PXDNL: variants seen among roughly 807,000 people sequenced by gnomAD.
The protein encoded by PXDNL is probable oxidoreductase PXDNL.
Under a neutral mutation model 150.8 loss-of-function variants are expected in PXDNL, and 145 were observed. That is an observed-to-expected ratio of 0.96 (90% confidence interval 0.84 to 1.10). PXDNL has a LOEUF of 1.10. Ranked by LOEUF, PXDNL falls within the 50% of genes least tolerant of loss-of-function variation. The pLI is 0.00. For synonymous variants in PXDNL, 757 were observed against 725.7 expected, an observed-to-expected ratio of 1.04 and a Z score of -0.69; for missense variants, 2,087 against 1,873.9, an observed-to-expected ratio of 1.11 and a Z score of -2.10.
At chr8:51,485,137 CTTTAT>C (rs944959928) in intron 5 of PXDNL, among the ~76,000 whole-genome samples, 4 of 152,056 alleles carry the variant, frequency 2.6e-5, no homozygotes, top group Non-Finnish European at 4.4e-5. Flanking sequence ...ATGTTTTTGG[CTTTAT>C]TTTAACTGTA....
At chr8:51,478,912 G>A (rs1810540311) in intron 6 of PXDNL, among the ~76,000 whole-genome samples, 1 of 152,184 alleles carries the variant, frequency 6.6e-6, no homozygotes, top group Non-Finnish European at 1.5e-5. Context: ...CAAATCATCT[G>A]TATATCAGTT....
intron 1 of PXDNL, among the ~76,000 whole-genome samples, chr8:51,780,654 C>CTTTTTTTTTTTT (rs71237240): frequency 2.7e-5 from 2 of 75,184 alleles, no homozygotes; most frequent in African/African-American, 4.4e-5. Context: ...CTTTTCTTTT[C>CTTTTTTTTTTTT]TTTTTTTTTT....
At chr8:51,436,326 A>G in intron 12 of PXDNL, 1 of 463,834 alleles carries the variant, frequency 2.2e-6, no homozygotes, top group Non-Finnish European at 4.4e-6. Flanking sequence ...TAAATCTCAT[A>G]AACATTATTC....
At chr8:51,494,807 T>G (rs1811005312) in intron 5 of PXDNL, among the ~76,000 whole-genome samples, 1 of 151,730 alleles carries the variant, frequency 6.6e-6, no homozygotes, top group South Asian at 2.1e-4. Context: ...ACAAAGAGAC[T>G]TAGAATCCCA....
intron 17 of PXDNL, among the ~76,000 whole-genome samples, chr8:51,403,015 G>A (rs149823317): frequency 0.024 from 3,675 of 151,008 alleles, 85 homozygotes; most frequent in South Asian, 0.083. Flanking sequence ...GCGTGAACCC[G>A]GGAGGTGGAG....
intron 4 of PXDNL, among the ~76,000 whole-genome samples, chr8:51,553,771 T>TATATATATATATATATACAC (rs1236843720): frequency 1.5e-3 from 94 of 63,666 alleles, no homozygotes; most frequent in African/African-American, 7.8e-3. Context: ...TATATATATA[T>TATATATATATATATATACAC]ACACACACTG....
chr8:51,640,231 A>G (rs1309129036), intron 2 of PXDNL, among the ~76,000 whole-genome samples: 1 of 152,154 alleles, frequency 6.6e-6, no homozygotes, highest in African/African-American at 2.4e-5. Flanking sequence ...TCTATGACAA[A>G]CCCACAGCCA....
At chr8:51,437,507 A>G (rs1809436026) in intron 12 of PXDNL, among the ~76,000 whole-genome samples, 2 of 152,262 alleles carry the variant, frequency 1.3e-5, no homozygotes, top group Non-Finnish European at 1.5e-5. Flanking sequence ...AGTGGGTTTT[A>G]TACCAGGGAT....
At chr8:51,358,655 T>TCACAGGAC (rs1404658693) in intron 19 of PXDNL, among the ~76,000 whole-genome samples, 1 of 152,096 alleles carries the variant, frequency 6.6e-6, no homozygotes, top group African/African-American at 2.4e-5. Flanking sequence ...GAGGTCCTCA[T>TCACAGGAC]CACAGGACGC....
chr8:51,631,085 G>T (rs1814480419), intron 2 of PXDNL, among the ~76,000 whole-genome samples: 1 of 152,138 alleles, frequency 6.6e-6, no homozygotes, highest in Non-Finnish European at 1.5e-5. Flanking sequence ...ATACACCATG[G>T]AATACCGTGC....
At chr8:51,495,014 G>A (rs1262961989) in intron 5 of PXDNL, among the ~76,000 whole-genome samples, 1 of 152,066 alleles carries the variant, frequency 6.6e-6, no homozygotes, top group African/African-American at 2.4e-5. Flanking sequence ...TTCCAAAATT[G>A]ACCACATAGT....
chr8:51,790,988 T>C (rs1451454050), intron 1 of PXDNL, among the ~76,000 whole-genome samples: 1 of 151,992 alleles, frequency 6.6e-6, no homozygotes. Context: ...ATGGATACAA[T>C]AATACTAGTA....
In PXDNL at chr8:51,647,083, C is replaced by T. The variant is rs537985000; in HGVS notation, c.236+7606G>A. ...CATTTTGGAGCTTTCTTTTTGGAAG[C>T]TAGGATGTATCATCCCTTATACAGG... On this transcript the variant is annotated intron_variant, in intron 2 of 22. Coordinates refer to ENST00000356297, the MANE Select transcript of PXDNL (RefSeq NM_144651.5). 2.2e-4 allele frequency among the ~76,000 whole-genome samples: 34 copies of T among 152,176 alleles called. No individual in the cohort carries two copies. The South Asian group carries it at 5.6e-3, about 25-fold the overall frequency.
intron 2 of PXDNL, among the ~76,000 whole-genome samples, chr8:51,630,225 T>C (rs946932427): frequency 9.9e-5 from 15 of 152,210 alleles, no homozygotes; most frequent in Admixed American, 9.8e-4. Context: ...GATAACTGGC[T>C]AGCCATATGC....
At chr8:51,644,366 A>T in intron 2 of PXDNL, among the ~76,000 whole-genome samples, 1 of 77,818 alleles carries the variant, frequency 1.3e-5, no homozygotes, top group Non-Finnish European at 2.7e-5. Flanking sequence ...ACACACACAT[A>T]TGTATATATA....
At chr8:51,502,389 G>T (rs78250981) in intron 4 of PXDNL, among the ~76,000 whole-genome samples, 1,929 of 152,238 alleles carry the variant, frequency 0.013, 40 homozygotes, top group African/African-American at 0.044. Context: ...GAAGGAAAGT[G>T]CCCAAAGCCA....
chr8:51,614,121 A>G (rs1166387055), intron 2 of PXDNL, among the ~76,000 whole-genome samples: 1 of 152,222 alleles, frequency 6.6e-6, no homozygotes, highest in African/African-American at 2.4e-5. Flanking sequence ...TATATGAAAA[A>G]TAACTTTCAG....
chr8:51,605,455 A>G (rs116209952), intron 2 of PXDNL, among the ~76,000 whole-genome samples: 1,728 of 152,102 alleles, frequency 0.011, 14 homozygotes, highest in South Asian at 0.026. Context: ...ATTCAAAAAT[A>G]TGAAATGCAT....
At chr8:51,466,465 C>CCTT (rs1331143178) in intron 8 of PXDNL, among the ~76,000 whole-genome samples, 1 of 151,846 alleles carries the variant, frequency 6.6e-6, no homozygotes, top group Non-Finnish European at 1.5e-5. Context: ...TAAGAAATAC[C>CCTT]CTTCTCACCA....
Sources: allele counts gnomAD v4.1 joint callset (sites outside exome capture counted in the v4.1 genomes callset), GRCh38; gene constraint gnomAD v4.1.1; transcripts MANE v1.5; gene names NCBI Gene and HGNC (gene_info 2026-07-23, HGNC 2026-07-21).